The following NXPH1 variants were observed in gnomAD, a reference collection of about 807,000 sequenced individuals.
NXPH1 encodes neurexophilin-1.
Under a neutral mutation model 23.7 loss-of-function variants are expected in NXPH1, and 5 were observed. The observed-to-expected ratio is 0.21, with a 90% CI of 0.11 to 0.44. The LOEUF is 0.44. NXPH1 is among the 20% of genes least tolerant of loss of function. NXPH1 has a pLI of 0.99. For synonymous variants in NXPH1, 144 were observed against 122.2 expected (o/e 1.18, Z -1.18); for missense variants, 324 against 321.6 (o/e 1.01, Z -0.06).
intron 2 of NXPH1, among the ~76,000 whole-genome samples, chr7:8,686,864 G>A (rs1821153074): frequency 6.6e-6 from 1 of 152,072 alleles, no homozygotes; most frequent in Non-Finnish European, 1.5e-5. Flanking sequence ...TTATGGCCAA[G>A]GATGCTGCAT....
chr7:8,465,037 TATTA>T (rs995946699), intron 2 of NXPH1, among the ~76,000 whole-genome samples: 2 of 152,174 alleles, frequency 1.3e-5, no homozygotes, highest in Non-Finnish European at 2.9e-5. Context: ...CACGAAGACC[TATTA>T]AGAGGCGGAT....
At chr7:8,680,649 A>G (rs138789959) in intron 2 of NXPH1, among the ~76,000 whole-genome samples, 9 of 152,350 alleles carry the variant, frequency 5.9e-5, no homozygotes, top group African/African-American at 1.7e-4. Flanking sequence ...ATGCCAAGAC[A>G]CTTGTGCTTA....
At chr7:8,455,912 A>G (rs1212972909) in intron 2 of NXPH1, among the ~76,000 whole-genome samples, 1 of 152,178 alleles carries the variant, frequency 6.6e-6, no homozygotes, top group African/African-American at 2.4e-5. Flanking sequence ...TTTTCTTGCC[A>G]ATCATTTATT....
intron 2 of NXPH1, among the ~76,000 whole-genome samples, chr7:8,661,391 C>T (rs1177135644): frequency 2.0e-5 from 3 of 152,140 alleles, no homozygotes; most frequent in African/African-American, 7.2e-5. Context: ...CAAAATAGTT[C>T]AACCTAAGTG....
chr7:8,561,193 T>C (rs560932759), intron 2 of NXPH1, among the ~76,000 whole-genome samples: 4 of 151,662 alleles, frequency 2.6e-5, no homozygotes, highest in African/African-American at 9.6e-5. Flanking sequence ...CTTTGGTGTT[T>C]CGAAGCTCTG....
At chr7:8,718,301 G>T (rs1320897950) in intron 2 of NXPH1, among the ~76,000 whole-genome samples, 1 of 152,106 alleles carries the variant, frequency 6.6e-6, no homozygotes, top group Admixed American at 6.5e-5. Flanking sequence ...CTCTACTGAA[G>T]ACCGCAAACC....
intron 2 of NXPH1, among the ~76,000 whole-genome samples, chr7:8,454,472 G>C (rs888145725): frequency 5.3e-5 from 8 of 152,084 alleles, no homozygotes; most frequent in Admixed American, 1.3e-4. Context: ...GGATGTTTCA[G>C]TTTTACCAAG....
At chr7:8,743,674 CTTTT>C (rs908046033) in intron 2 of NXPH1, among the ~76,000 whole-genome samples, 1 of 141,884 alleles carries the variant, frequency 7.0e-6, no homozygotes, top group Non-Finnish European at 1.5e-5. Context: ...TGTGGCAACT[CTTTT>C]TTTTTCTTTT....
chr7:8,443,818 G>C (rs927334633), intron 2 of NXPH1, among the ~76,000 whole-genome samples: 3 of 152,166 alleles, frequency 2.0e-5, no homozygotes, highest in Admixed American at 6.5e-5. Flanking sequence ...TGGAGCGGCG[G>C]GGGGGAGTTT....
At chr7:8,629,921 G>C (rs1284365837) in intron 2 of NXPH1, among the ~76,000 whole-genome samples, 1 of 152,114 alleles carries the variant, frequency 6.6e-6, no homozygotes, top group East Asian at 1.9e-4. Flanking sequence ...GTGAGAATTA[G>C]ATATTCTTGG....
intron 2 of NXPH1, among the ~76,000 whole-genome samples, chr7:8,482,698 C>T (rs1023033902): frequency 6.6e-6 from 1 of 152,164 alleles, no homozygotes; most frequent in African/African-American, 2.4e-5. Context: ...CCATATTCAA[C>T]CTCAGAATAC....
chr7:8,652,224 G>A (rs987553714), intron 2 of NXPH1, among the ~76,000 whole-genome samples: 1 of 152,092 alleles, frequency 6.6e-6, no homozygotes, highest in South Asian at 2.1e-4. Flanking sequence ...AGAAAAAGCT[G>A]TAACAAAATC....
intron 2 of NXPH1, among the ~76,000 whole-genome samples, chr7:8,730,477 A>T (rs1203749454): frequency 6.6e-6 from 1 of 151,962 alleles, no homozygotes; most frequent in Non-Finnish European, 1.5e-5. Flanking sequence ...AGCAGCTGGT[A>T]CCGGTTGTTC....
intron 2 of NXPH1, among the ~76,000 whole-genome samples, chr7:8,466,469 C>A (rs1165611707): frequency 6.6e-6 from 1 of 152,122 alleles, no homozygotes; most frequent in Non-Finnish European, 1.5e-5. Flanking sequence ...TTTTTATGAA[C>A]AGAAAAATGT....
At chr7:8,588,132 G>A (rs565832391) in intron 2 of NXPH1, among the ~76,000 whole-genome samples, 31 of 152,268 alleles carry the variant, frequency 2.0e-4, no homozygotes, top group African/African-American at 7.5e-4. Flanking sequence ...AAATAGGAAT[G>A]CTTTTACACT....
rs1174887788 is a variant in NXPH1 at position 8,747,422 on chromosome 7, CT to C, written c.55-3585del. Among the ~76,000 whole-genome samples the C allele has an allele frequency of 3.3e-5, 5 of 152,274 alleles. No individual in the cohort carries two copies. The East Asian group carries it at 7.7e-4, about 24-fold the overall frequency. On this transcript the variant is annotated intron_variant, in intron 2 of 2. Transcript: ENST00000405863. Reference sequence around the variant, plus strand: ...CCACAAGTTTTACTTTCATTTCCCCCTATGCTACTGGTAAATTGAGCTGTAA... The same window carrying C: ...CCACAAGTTTTACTTTCATTTCCCCCATGCTACTGGTAAATTGAGCTGTAA...
At chr7:8,583,327 C>T (rs1305826224) in intron 2 of NXPH1, among the ~76,000 whole-genome samples, 1 of 152,186 alleles carries the variant, frequency 6.6e-6, no homozygotes, top group Non-Finnish European at 1.5e-5. Flanking sequence ...GAGTTTGAAT[C>T]CTGGCACAGC....
intron 2 of NXPH1, among the ~76,000 whole-genome samples, chr7:8,686,237 T>C (rs1821144075): frequency 6.6e-6 from 1 of 152,206 alleles, no homozygotes; most frequent in African/African-American, 2.4e-5. Context: ...CTTTCTAGTT[T>C]GCATTTAGAA....
chr7:8,538,407 A>G (rs1048715335), intron 2 of NXPH1, among the ~76,000 whole-genome samples: 1 of 151,916 alleles, frequency 6.6e-6, no homozygotes, highest in African/African-American at 2.4e-5. Context: ...GGGGTAGGAT[A>G]AAACCTGGGT....
Sources: gnomAD v4.1 joint callset for allele counts (sites outside exome capture counted in the v4.1 genomes callset) on GRCh38, gnomAD v4.1.1 for gene constraint, MANE v1.5 for transcripts, NCBI Gene and HGNC (gene_info 2026-07-23, HGNC 2026-07-21) for gene names.